NXPH1: variants seen among roughly 807,000 people sequenced by gnomAD.
NXPH1 encodes neurexophilin-1.
Under a neutral mutation model 23.7 loss-of-function variants are expected in NXPH1, and 5 were observed. That is an observed-to-expected ratio of 0.21 (90% confidence interval 0.11 to 0.44). The LOEUF is 0.44. Ranked by LOEUF, NXPH1 falls within the 20% of genes least tolerant of loss-of-function variation. NXPH1 has a pLI of 0.99. For synonymous variants in NXPH1, 144 were observed against 122.2 expected (o/e 1.18, Z -1.18); for missense variants, 324 against 321.6 (o/e 1.01, Z -0.06).
intron 2 of NXPH1, among the ~76,000 whole-genome samples, chr7:8,533,429 C>G (rs577829622): frequency 1.3e-5 from 2 of 152,158 alleles, no homozygotes; most frequent in East Asian, 3.9e-4. Context: ...ATCTGATATT[C>G]TGTCTCCCTC....
At chr7:8,514,826 TAC>T (rs1817663532) in intron 2 of NXPH1, among the ~76,000 whole-genome samples, 1 of 152,220 alleles carries the variant, frequency 6.6e-6, no homozygotes, top group African/African-American at 2.4e-5. Flanking sequence ...CTCCCCTTGC[TAC>T]AAGTCAGTAG....
chr7:8,671,488 A>G (rs1230544982), intron 2 of NXPH1, among the ~76,000 whole-genome samples: 1 of 152,222 alleles, frequency 6.6e-6, no homozygotes, highest in Non-Finnish European at 1.5e-5. Context: ...GAGCACTGGA[A>G]TGAGGTACTA....
At chr7:8,560,001 T>A (rs76704630) in intron 2 of NXPH1, among the ~76,000 whole-genome samples, 2,914 of 151,796 alleles carry the variant, frequency 0.019, 40 homozygotes, top group South Asian at 0.028. Context: ...GGTAGAGCCA[T>A]GCATTTGCCG....
chr7:8,571,379 G>A (rs1380491089), intron 2 of NXPH1, among the ~76,000 whole-genome samples: 1 of 151,644 alleles, frequency 6.6e-6, no homozygotes, highest in Admixed American at 6.6e-5. Context: ...TACTTATTAG[G>A]GTTTCTTTGT....
chr7:8,599,509 G>T (rs936439705), intron 2 of NXPH1, among the ~76,000 whole-genome samples: 2 of 152,034 alleles, frequency 1.3e-5, no homozygotes, highest in Non-Finnish European at 2.9e-5. Flanking sequence ...GCCATGATCT[G>T]GTAGGCACCT....
Position 8,525,830 on chromosome 7 carries a change from A to T in NXPH1, c.54+90063A>T, listed in dbSNP as rs547983637. Among the ~76,000 whole-genome samples, 3 of 152,354 alleles carry T rather than the reference A, an allele frequency of 2.0e-5. No individual in the cohort carries two copies. The South Asian group carries it at 6.2e-4, about 32-fold the overall frequency. Reference sequence around the variant, plus strand: ...TTTCAGAATGTGTATGGAAATGTCCAGATGCCCAGGCAAAAGTTTGCTGCA... The same window carrying T: ...TTTCAGAATGTGTATGGAAATGTCCTGATGCCCAGGCAAAAGTTTGCTGCA... On this transcript the variant is annotated intron_variant, in intron 2 of 2. Transcript: ENST00000405863.
intron 2 of NXPH1, among the ~76,000 whole-genome samples, chr7:8,519,680 T>C (rs1270883222): frequency 1.3e-5 from 2 of 152,208 alleles, no homozygotes; most frequent in Non-Finnish European, 2.9e-5. Flanking sequence ...CCGCTCCTTA[T>C]GTTTTTACCT....
chr7:8,452,816 G>C (rs914254210), intron 2 of NXPH1, among the ~76,000 whole-genome samples: 4 of 152,062 alleles, frequency 2.6e-5, no homozygotes, highest in African/African-American at 7.2e-5. Flanking sequence ...GGTGGTCCTG[G>C]GGATTGATAC....
intron 2 of NXPH1, among the ~76,000 whole-genome samples, chr7:8,472,578 C>A (rs550082548): frequency 6.6e-6 from 1 of 152,082 alleles, no homozygotes; most frequent in South Asian, 2.1e-4. Context: ...GGATGCCACA[C>A]TTCCTTGGTG....
At chr7:8,659,926 C>A (rs574332744) in intron 2 of NXPH1, among the ~76,000 whole-genome samples, 1 of 152,084 alleles carries the variant, frequency 6.6e-6, no homozygotes, top group Non-Finnish European at 1.5e-5. Flanking sequence ...AATGATTGTG[C>A]AGATAAACAA....
chr7:8,558,871 T>C (rs1818400136), intron 2 of NXPH1, among the ~76,000 whole-genome samples: 1 of 151,746 alleles, frequency 6.6e-6, no homozygotes, highest in Admixed American at 6.6e-5. Flanking sequence ...TGCTATAGTT[T>C]GTTTGTTTGT....
intron 2 of NXPH1, among the ~76,000 whole-genome samples, chr7:8,547,603 A>G (rs936819894): frequency 2.0e-5 from 3 of 151,304 alleles, no homozygotes; most frequent in African/African-American, 4.8e-5. Flanking sequence ...AATAGTGAAT[A>G]TTGTATCTGT....
At chr7:8,531,214 A>G (rs774648921) in intron 2 of NXPH1, among the ~76,000 whole-genome samples, 2 of 152,152 alleles carry the variant, frequency 1.3e-5, no homozygotes, top group East Asian at 1.9e-4. Flanking sequence ...CTCCATAACT[A>G]TGAGCTATTA....
intron 2 of NXPH1, among the ~76,000 whole-genome samples, chr7:8,682,441 A>G (rs1821070720): frequency 6.6e-6 from 1 of 152,190 alleles, no homozygotes; most frequent in South Asian, 2.1e-4. Flanking sequence ...ACAATGATTA[A>G]ATGATTATAT....
At chr7:8,485,565 G>A (rs117434045) in intron 2 of NXPH1, among the ~76,000 whole-genome samples, 28 of 152,118 alleles carry the variant, frequency 1.8e-4, no homozygotes, top group Non-Finnish European at 3.8e-4. Flanking sequence ...TCTTCTCCGG[G>A]CCCCATGAGC....
chr7:8,737,224 G>A (rs560818065), intron 2 of NXPH1, among the ~76,000 whole-genome samples: 1 of 152,228 alleles, frequency 6.6e-6, no homozygotes, highest in Non-Finnish European at 1.5e-5. Context: ...TCTTCATAGT[G>A]TTGATGGTCT....
chr7:8,604,469 G>C (rs150930011), intron 2 of NXPH1, among the ~76,000 whole-genome samples: 8 of 152,094 alleles, frequency 5.3e-5, no homozygotes, highest in Non-Finnish European at 8.8e-5. Flanking sequence ...CTTTCTTACT[G>C]TATGATTTCC....
chr7:8,662,266 T>C (rs144700663), intron 2 of NXPH1, among the ~76,000 whole-genome samples: 1 of 152,124 alleles, frequency 6.6e-6, no homozygotes, highest in African/African-American at 2.4e-5. Context: ...TGTTTCTATG[T>C]TTGATTTAAC....
intron 2 of NXPH1, among the ~76,000 whole-genome samples, chr7:8,469,582 C>T (rs1563319545): frequency 6.6e-6 from 1 of 151,994 alleles, no homozygotes; most frequent in Non-Finnish European, 1.5e-5. Flanking sequence ...AAAGTATGGT[C>T]CCAGGAAACA....
Sources: allele counts gnomAD v4.1 joint callset (sites outside exome capture counted in the v4.1 genomes callset), GRCh38; gene constraint gnomAD v4.1.1; transcripts MANE v1.5; gene names NCBI Gene and HGNC (gene_info 2026-07-23, HGNC 2026-07-21).